The following TAFA1 variants were observed in gnomAD, a reference collection of about 807,000 sequenced individuals.
The protein encoded by TAFA1 is TAFA chemokine like family member 1, also known as chemokine-like protein TAFA-1.
TAFA1 carries 4 observed loss-of-function variants against 18.5 expected under a neutral mutation model. That is an observed-to-expected ratio of 0.22 (90% confidence interval 0.11 to 0.49). The LOEUF (loss-of-function observed/expected upper bound fraction) is 0.49. Among genes scored for constraint, TAFA1 ranks in the 20% least tolerant of loss-of-function variants. TAFA1 has a pLI of 0.98. For synonymous variants in TAFA1, 56 were observed against 55.2 expected (o/e 1.01, Z -0.06); for missense variants, 147 against 169.0 (o/e 0.87, Z 0.72).
intron 2 of TAFA1, among the ~76,000 whole-genome samples, chr3:68,094,648 A>G (rs1350331741): frequency 6.6e-6 from 1 of 152,174 alleles, no homozygotes; most frequent in African/African-American, 2.4e-5. Flanking sequence ...GAAGGATAGA[A>G]GGAGAGAGAT....
At chr3:68,533,680 C>T (rs1189681625) in intron 3 of TAFA1, among the ~76,000 whole-genome samples, 2 of 152,104 alleles carry the variant, frequency 1.3e-5, no homozygotes, top group South Asian at 2.1e-4. Context: ...GGGAGAGGAT[C>T]GATTTCTACT....
At chr3:68,205,907 A>G (rs1044404383) in intron 2 of TAFA1, among the ~76,000 whole-genome samples, 3 of 151,874 alleles carry the variant, frequency 2.0e-5, no homozygotes, top group African/African-American at 7.2e-5. Flanking sequence ...GAGATGTGCA[A>G]AAATACTCAG....
chr3:68,188,438 G>C (rs937536116), intron 2 of TAFA1, among the ~76,000 whole-genome samples: 7 of 149,922 alleles, frequency 4.7e-5, no homozygotes, highest in African/African-American at 1.5e-4. Flanking sequence ...ATGTTTTGCT[G>C]TACAGACATT....
intron 2 of TAFA1, among the ~76,000 whole-genome samples, chr3:68,384,963 T>C (rs1486466528): frequency 1.3e-5 from 2 of 152,166 alleles, no homozygotes; most frequent in Non-Finnish European, 2.9e-5. Context: ...AAATCTGTTT[T>C]GTCTAAAACA....
At chr3:68,137,855 C>T (rs2065625728) in intron 2 of TAFA1, among the ~76,000 whole-genome samples, 1 of 152,108 alleles carries the variant, frequency 6.6e-6, no homozygotes, top group Non-Finnish European at 1.5e-5. Flanking sequence ...ATGCTAGTAG[C>T]CCTAAAGCAC....
chr3:68,273,867 G>A (rs781213869), intron 2 of TAFA1, among the ~76,000 whole-genome samples: 13 of 152,114 alleles, frequency 8.5e-5, no homozygotes, highest in East Asian at 7.7e-4. Context: ...TTCACTGTCC[G>A]TAACATGAGC....
chr3:68,143,772 A>G (rs896834849), intron 2 of TAFA1, among the ~76,000 whole-genome samples: 9 of 152,208 alleles, frequency 5.9e-5, no homozygotes, highest in Admixed American at 2.6e-4. Context: ...TCTTGTTTTA[A>G]ATTAATAGAG....
In TAFA1 at chr3:68,538,834, A is replaced by G. The variant is rs746456062; in HGVS notation, c.338A>G (p.Asn113Ser). The change falls in exon 4 of 5, where the codon AAT (asparagine) becomes AGT (serine). Residue 113 changes from asparagine (N) to serine (S), a missense_variant. Transcript: ENST00000478136. ...EGEECKTLPDNSGWMCATGNK... is the reference protein window; with the variant it reads ...EGEECKTLPDSSGWMCATGNK... ...GAAGAATGTAAGACACTCCCTGACAATTCTGGATGGATGTGCGCAACAGGC... is the reference window on the plus strand; with the variant it reads ...GAAGAATGTAAGACACTCCCTGACAGTTCTGGATGGATGTGCGCAACAGGC... 6.2e-7 allele frequency: 1 copy of G among 1,613,608 alleles called. No individual in the cohort carries two copies. The highest frequency in any genetic ancestry group is 8.5e-7 in the Non-Finnish European group (1 of 1,179,682).
At chr3:68,286,143 G>A (rs368012296) in intron 2 of TAFA1, among the ~76,000 whole-genome samples, 7 of 151,950 alleles carry the variant, frequency 4.6e-5, no homozygotes, top group South Asian at 4.2e-4. Flanking sequence ...CCTGGGAGGC[G>A]GATGCTGCAG....
intron 2 of TAFA1, among the ~76,000 whole-genome samples, chr3:68,188,554 A>G (rs1026046710): frequency 2.7e-5 from 4 of 149,916 alleles, no homozygotes; most frequent in African/African-American, 7.3e-5. Flanking sequence ...ACCATCAGAA[A>G]CTAGCATCTA....
intron 2 of TAFA1, among the ~76,000 whole-genome samples, chr3:68,267,419 A>C (rs1256503708): frequency 6.6e-6 from 1 of 152,180 alleles, no homozygotes. Context: ...TTAGTAACTC[A>C]TATAAGTTAT....
chr3:68,206,277 C>T (rs1289830419), intron 2 of TAFA1, among the ~76,000 whole-genome samples: 1 of 151,420 alleles, frequency 6.6e-6, no homozygotes, highest in Non-Finnish European at 1.5e-5. Flanking sequence ...GATACTTTGT[C>T]AGAAAAAAAA....
At chr3:68,067,437 C>T (rs2106740052) in intron 2 of TAFA1, among the ~76,000 whole-genome samples, 1 of 152,170 alleles carries the variant, frequency 6.6e-6, no homozygotes, top group South Asian at 2.1e-4. Flanking sequence ...AGTTTAATGT[C>T]CTTTTTCCTC....
At chr3:68,171,111 A>AT (rs2066048031) in intron 2 of TAFA1, among the ~76,000 whole-genome samples, 1 of 152,168 alleles carries the variant, frequency 6.6e-6, no homozygotes, top group Admixed American at 6.5e-5. Context: ...TAGCAGCTGG[A>AT]TTTTAAATAG....
At chr3:68,075,026 T>C (rs867599112) in intron 2 of TAFA1, among the ~76,000 whole-genome samples, 11 of 152,198 alleles carry the variant, frequency 7.2e-5, no homozygotes, top group Admixed American at 7.2e-4. Context: ...TTTTCAAGAC[T>C]GAGGACCAGA....
At chr3:68,310,292 CA>C (rs2068493368) in intron 2 of TAFA1, among the ~76,000 whole-genome samples, 1 of 152,042 alleles carries the variant, frequency 6.6e-6, no homozygotes, top group African/African-American at 2.4e-5. Context: ...TTTTTAGAAG[CA>C]AAGGTCTCGG....
At chr3:68,198,276 T>C (rs891619265) in intron 2 of TAFA1, among the ~76,000 whole-genome samples, 1 of 151,724 alleles carries the variant, frequency 6.6e-6, no homozygotes, top group Non-Finnish European at 1.5e-5. Flanking sequence ...GTTCACCTAC[T>C]GAACAACATC....
intron 2 of TAFA1, among the ~76,000 whole-genome samples, chr3:68,193,966 A>T (rs1338100260): frequency 6.6e-6 from 1 of 151,690 alleles, no homozygotes; most frequent in Non-Finnish European, 1.5e-5. Context: ...TTAGGCCTAG[A>T]TATATTTATG....
intron 2 of TAFA1, among the ~76,000 whole-genome samples, chr3:68,345,061 A>G (rs1166795495): frequency 6.6e-6 from 1 of 151,858 alleles, no homozygotes; most frequent in Non-Finnish European, 1.5e-5. Context: ...AAGGAAATCT[A>G]GTGCCTCATT....
Sources: allele counts gnomAD v4.1 joint callset (sites outside exome capture counted in the v4.1 genomes callset), GRCh38; gene constraint gnomAD v4.1.1; transcripts MANE v1.5; gene names NCBI Gene and HGNC (gene_info 2026-07-23, HGNC 2026-07-21).